Variants in FBXL17 observed in about 807,000 individuals in gnomAD.
The protein encoded by FBXL17 is F-box/LRR-repeat protein 17.
Under a neutral mutation model 66.2 loss-of-function variants are expected in FBXL17, and 22 were observed. The ratio of observed to expected loss-of-function variants is 0.33; its 90% CI spans 0.24 to 0.47. The LOEUF is 0.47. Ranked by LOEUF, FBXL17 falls within the 20% of genes least tolerant of loss-of-function variation. The pLI, the probability that FBXL17 is intolerant of heterozygous loss-of-function variation, is 1.00. For missense variants in FBXL17, 878 were observed against 948.2 expected (o/e 0.93, Z 0.97); for synonymous variants, 474 against 400.5 (o/e 1.18, Z -2.19).
intron 6 of FBXL17, among the ~76,000 whole-genome samples, chr5:108,102,604 C>A (rs1749644202): frequency 6.6e-6 from 1 of 152,144 alleles, no homozygotes; most frequent in South Asian, 2.1e-4. Context: ...CTCTGTTGGT[C>A]AGAAGGGCTC....
chr5:108,215,309 T>A (rs1033648801), intron 5 of FBXL17, among the ~76,000 whole-genome samples: 2 of 152,262 alleles, frequency 1.3e-5, no homozygotes, highest in African/African-American at 4.8e-5. Flanking sequence ...AGCAACTGCA[T>A]AATTTTATAT....
chr5:108,185,310 TG>T (rs1580575754), intron 6 of FBXL17, among the ~76,000 whole-genome samples: 1 of 152,172 alleles, frequency 6.6e-6, no homozygotes, highest in Admixed American at 6.5e-5. Flanking sequence ...GATTGGATCA[TG>T]GGGGCAGATT....
chr5:108,359,166 CTTTCA>C (rs1748189487), intron 3 of FBXL17, among the ~76,000 whole-genome samples: 1 of 152,098 alleles, frequency 6.6e-6, no homozygotes. Context: ...AATGTCTACT[CTTTCA>C]TTTATGATTT....
intron 4 of FBXL17, among the ~76,000 whole-genome samples, chr5:108,236,136 A>ATGG: frequency 6.6e-6 from 1 of 152,158 alleles, no homozygotes; most frequent in Middle Eastern, 3.4e-3. Context: ...ACTTGAGCCC[A>ATGG]GAGGTCGAGG....
At chr5:108,090,712 AAAATATAAAAGTCAGTTTTAGC>A (rs1749155716) in intron 6 of FBXL17, among the ~76,000 whole-genome samples, 1 of 152,164 alleles carries the variant, frequency 6.6e-6, no homozygotes, top group South Asian at 2.1e-4. Flanking sequence ...TCAACCTTTG[AAAATATAAAAGTCAGTTTTAGC>A]ATGTGGGCCA....
At chr5:108,304,843 C>T (rs1040214671) in intron 4 of FBXL17, among the ~76,000 whole-genome samples, 5 of 151,948 alleles carry the variant, frequency 3.3e-5, no homozygotes, top group African/African-American at 7.2e-5. Context: ...TCCCTACCTA[C>T]GGAAAGGAAG....
intron 1 of FBXL17, among the ~76,000 whole-genome samples, chr5:108,373,329 A>C (rs2112621317): frequency 7.3e-6 from 1 of 136,932 alleles, no homozygotes; most frequent in African/African-American, 2.8e-5. Flanking sequence ...ATTTTTATTA[A>C]TATATATCTA....
intron 3 of FBXL17, among the ~76,000 whole-genome samples, chr5:108,361,940 G>A (rs1748366539): frequency 6.6e-6 from 1 of 152,132 alleles, no homozygotes; most frequent in African/African-American, 2.4e-5. Context: ...CCAAGCTGGG[G>A]AATGGGTGAG....
chr5:108,328,760 T>C (rs1759982759), intron 4 of FBXL17, among the ~76,000 whole-genome samples: 1 of 152,078 alleles, frequency 6.6e-6, no homozygotes, highest in Non-Finnish European at 1.5e-5. Flanking sequence ...CTCAATATAT[T>C]GTAAAATCAA....
At chr5:108,261,006 AG>A (rs1429488775) in intron 4 of FBXL17, among the ~76,000 whole-genome samples, 1 of 152,200 alleles carries the variant, frequency 6.6e-6, no homozygotes, top group Non-Finnish European at 1.5e-5. Flanking sequence ...AAGGAAAGAT[AG>A]CAATGTGAAG....
intron 8 of FBXL17, among the ~76,000 whole-genome samples, chr5:107,871,069 A>AAAACAAAAAAAAAAC (rs1554080842): frequency 7.7e-5 from 10 of 130,174 alleles, no homozygotes; most frequent in African/African-American, 3.2e-4. Flanking sequence ...AAAAAAAAAA[A>AAAACAAAAAAAAAAC]AAAAAAAAAA....
chr5:108,087,951 CA>C (rs745712757), intron 6 of FBXL17, among the ~76,000 whole-genome samples: 5 of 151,254 alleles, frequency 3.3e-5, no homozygotes, highest in Non-Finnish European at 7.4e-5. Context: ...TTTTAAAAAA[CA>C]AAAATTGTAA....
intron 4 of FBXL17, among the ~76,000 whole-genome samples, chr5:108,254,564 A>G (rs1371836768): frequency 6.6e-6 from 1 of 152,202 alleles, no homozygotes; most frequent in African/African-American, 2.4e-5. Context: ...GTGGGAGAAA[A>G]TGAAAATCAT....
intron 8 of FBXL17, among the ~76,000 whole-genome samples, chr5:107,877,949 T>G (rs1441976197): frequency 6.6e-6 from 1 of 152,220 alleles, no homozygotes; most frequent in Admixed American, 6.5e-5. Flanking sequence ...GTCTCTATTC[T>G]TATTTTTCAC....
chr5:107,929,401 T>C (rs1468279657), intron 7 of FBXL17, among the ~76,000 whole-genome samples: 1 of 152,324 alleles, frequency 6.6e-6, no homozygotes, highest in East Asian at 1.9e-4. Flanking sequence ...GCTCTAAAAT[T>C]ACCTTTACTA....
intron 6 of FBXL17, among the ~76,000 whole-genome samples, chr5:108,022,100 T>C (rs980256097): frequency 6.6e-6 from 1 of 151,974 alleles, no homozygotes; most frequent in Non-Finnish European, 1.5e-5. Context: ...AGAAGACATA[T>C]ATGTTTTTTA....
chr5:108,240,268 T>C (rs926003025), intron 4 of FBXL17, among the ~76,000 whole-genome samples: 4 of 152,172 alleles, frequency 2.6e-5, no homozygotes, highest in Admixed American at 2.6e-4. Flanking sequence ...GCATCCCTGA[T>C]TCCAGGCATT....
rs1750717632 is a variant in FBXL17, at chr5:107,931,064, G to T, written c.1823-49885C>A. On this transcript the variant is annotated intron_variant, in intron 7 of 8. Transcript: ENST00000542267. The stretch of plus-strand genomic sequence containing the variant: ...CTATCACTTTTGGTTGTGCTGAGCA[G>T]TCGGTTGAATTGAGCAGAACAATAA... Among the ~76,000 whole-genome samples the T allele has an allele frequency of 2.0e-5, 3 of 152,088 alleles. No homozygotes were observed. The South Asian group carries it at 6.2e-4, about 32-fold the overall frequency.
intron 7 of FBXL17, among the ~76,000 whole-genome samples, chr5:107,919,646 C>T (rs1340107570): frequency 6.6e-6 from 1 of 152,168 alleles, no homozygotes; most frequent in African/African-American, 2.4e-5. Context: ...CTGTCCCATC[C>T]CCCAGATATG....
Sources: gnomAD v4.1 joint callset for allele counts (sites outside exome capture counted in the v4.1 genomes callset) on GRCh38, gnomAD v4.1.1 for gene constraint, MANE v1.5 for transcripts, NCBI Gene and HGNC (gene_info 2026-07-23, HGNC 2026-07-21) for gene names.